The following DPY19L4 variants were observed in gnomAD, a reference collection of about 807,000 sequenced individuals.
DPY19L4 encodes dpy-19 like 4, also known as probable C-mannosyltransferase DPY19L4.
DPY19L4 carries 97 observed loss-of-function variants against 102.8 expected under a neutral mutation model. The observed-to-expected ratio is 0.94, with a 90% CI of 0.80 to 1.12. The LOEUF (loss-of-function observed/expected upper bound fraction) is 1.12, where lower values mean the gene tolerates loss of function less well. Ranked by LOEUF, DPY19L4 falls within the 50% of genes most tolerant of loss-of-function variation. The pLI, the probability that DPY19L4 is intolerant of heterozygous loss-of-function variation, is 0.00. For missense variants in DPY19L4, 815 were observed against 850.4 expected, an observed-to-expected ratio of 0.96 and a Z score of 0.52; for synonymous variants, 252 against 283.1, an observed-to-expected ratio of 0.89 and a Z score of 1.10.
chr8:94,766,393 A>G (rs752613467), intron 10 of DPY19L4, among the ~76,000 whole-genome samples: 1 of 152,212 alleles, frequency 6.6e-6, no homozygotes, highest in African/African-American at 2.4e-5. Context: ...AAGAAAAAAG[A>G]AATGTTCTTA....
At chr8:94,722,936 A>G (rs1810531931) in intron 1 of DPY19L4, among the ~76,000 whole-genome samples, 1 of 152,184 alleles carries the variant, frequency 6.6e-6, no homozygotes, top group Admixed American at 6.5e-5. Context: ...GTTTATATTT[A>G]TGCTTTCTGA....
At position 94,739,775 on chromosome 8, in the gene DPY19L4, G is replaced by C. The variant is rs1811360139; in HGVS notation, c.596G>C (p.Trp199Ser). ...TWLAGMLTVA[W>S]FVINRVDTTR... ...CTAGCAGGAATGCTTACTGTTGCGT[G>C]GTTCGTTATTAACAGGTAAGAAAGC... The change falls in exon 6 of 19, where the codon TGG becomes TCG. Residue 199 changes from tryptophan to serine, a missense_variant. Trp to Ser is a radical substitution (Grantham distance 177). Coordinates refer to ENST00000414645, the MANE Select transcript of DPY19L4 (RefSeq NM_181787.3). 6.2e-7 allele frequency: 1 copy of C among 1,612,150 alleles called. No homozygotes were observed. Among genetic ancestry groups the C allele is most frequent in the Non-Finnish European group, 8.5e-7 (1 of 1,179,970 alleles).
rs1372054539 is a variant in DPY19L4, at chr8:94,740,465, A to AT, written c.611+682dup. ...TGTTTTGGTTTTGTTTTTGTTTTTC[A>AT]TTTTTTTGAGACGGAGTCTTGCCCT... On this transcript the variant is annotated intron_variant, in intron 6 of 18. Transcript: ENST00000414645. Among the ~76,000 whole-genome samples, 4 of 151,520 alleles carry AT rather than the reference A, an allele frequency of 2.6e-5. No homozygotes were observed. In the East Asian group the frequency reaches 5.8e-4, roughly 22 times the overall value.
At chr8:94,784,522 G>A (rs914741119) in intron 17 of DPY19L4, among the ~76,000 whole-genome samples, 26 of 152,042 alleles carry the variant, frequency 1.7e-4, no homozygotes, top group Non-Finnish European at 8.8e-5. Flanking sequence ...TCCACCTCCC[G>A]GGTTCAAGTG....
At chr8:94,745,888 G>A (rs1379272948) in intron 6 of DPY19L4, among the ~76,000 whole-genome samples, 1 of 151,908 alleles carries the variant, frequency 6.6e-6, no homozygotes, top group Non-Finnish European at 1.5e-5. Flanking sequence ...CCGAGTAGCT[G>A]GGACTACAGG....
At chr8:94,783,611 C>T in intron 16 of DPY19L4, 59 bp from the exon 17 acceptor site, 1 of 1,571,204 alleles carries the variant, frequency 6.4e-7, no homozygotes, top group Non-Finnish European at 8.6e-7. Flanking sequence ...TGATATAGAT[C>T]AGTGATCTAA....
intron 6 of DPY19L4, among the ~76,000 whole-genome samples, chr8:94,746,535 A>G (rs987838246): frequency 2.0e-5 from 3 of 152,194 alleles, no homozygotes; most frequent in Non-Finnish European, 4.4e-5. Flanking sequence ...TTCACATATT[A>G]CATATTGACA....
chr8:94,773,612 T>C (rs1249585487), intron 13 of DPY19L4, among the ~76,000 whole-genome samples: 1 of 151,816 alleles, frequency 6.6e-6, no homozygotes, highest in Admixed American at 6.6e-5. Context: ...GTATTTTGAG[T>C]AGAGATGGGG....
intron 4 of DPY19L4, among the ~76,000 whole-genome samples, chr8:94,739,062 G>C (rs188031665): frequency 2.6e-5 from 4 of 152,058 alleles, no homozygotes; most frequent in Admixed American, 2.6e-4. Context: ...CTAAATTGTT[G>C]TTAACCATAT....
rs537923878 is a variant in DPY19L4 at position 94,736,896 on chromosome 8, T to C, written c.253-1473T>C. Among the ~76,000 whole-genome samples the C allele has an allele frequency of 1.2e-4, 18 of 152,340 alleles. No individual in the cohort carries two copies. In the South Asian group the frequency reaches 3.3e-3, roughly 28 times the overall value. ...ACTTCAAATATCATTTGTTATTGCC[T>C]CTCTCACTATTCTTGCTATTCTTAG... is the stretch of plus-strand genomic sequence containing the variant. On this transcript the variant is annotated intron_variant, in intron 3 of 18. Transcript: ENST00000414645.
rs780029827 is a variant in DPY19L4 at position 94,738,357 on chromosome 8, A to G, written c.253-12A>G. On this transcript the variant is annotated splice_polypyrimidine_tract_variant and intron_variant, in intron 3 of 18. Coordinates refer to ENST00000414645, the MANE Select transcript of DPY19L4 (RefSeq NM_181787.3). ...AAATTAAATTTTAAATAATAATTTC[A>G]TTTTCTTTTAGGAGCTTGAACGGGA... 2.8e-6 allele frequency: 4 copies of G among 1,445,590 alleles called. No individual in the cohort carries two copies. Among genetic ancestry groups the G allele is most frequent in the Non-Finnish European group, 2.7e-6 (3 of 1,091,876 alleles). The allele number at this position is 1,445,590 out of a possible 1,614,324, so 89.5% of individuals were successfully genotyped here.
rs543897854 is a variant in DPY19L4 at position 94,740,160 on chromosome 8, G to A, written c.611+370G>A. On this transcript the variant is annotated intron_variant, in intron 6 of 18. Coordinates refer to ENST00000414645, the MANE Select transcript of DPY19L4 (RefSeq NM_181787.3). ...CCTGATGAAAACTGTAGCTCTGGCC[G>A]ATGCCTTGATTTTAGCTTAGGGATA... 3.9e-5 allele frequency among the ~76,000 whole-genome samples: 6 copies of A among 152,320 alleles called. No individual in the cohort carries two copies. In the East Asian group the frequency reaches 9.6e-4, roughly 24 times the overall value.
chr8:94,744,683 A>G, intron 6 of DPY19L4: 2 of 409,828 alleles, frequency 4.9e-6, no homozygotes, highest in South Asian at 3.6e-5. Flanking sequence ...GTTTTAAAGA[A>G]TAAGACTCTC....
At chr8:94,772,933 C>G (rs939284202) in intron 13 of DPY19L4, among the ~76,000 whole-genome samples, 1 of 152,052 alleles carries the variant, frequency 6.6e-6, no homozygotes. Context: ...TATATGAGGC[C>G]AGGCATGGTG....
At chr8:94,758,171 CT>C (rs1207994218) in intron 7 of DPY19L4, among the ~76,000 whole-genome samples, 2 of 152,060 alleles carry the variant, frequency 1.3e-5, no homozygotes. Context: ...ATATTTATCT[CT>C]TTGTTTCTTT....
intron 18 of DPY19L4, among the ~76,000 whole-genome samples, chr8:94,789,173 C>T (rs1813786932): frequency 6.6e-6 from 1 of 152,184 alleles, no homozygotes; most frequent in Non-Finnish European, 1.5e-5. Context: ...CTTCTCCTTT[C>T]ATGTCATGCC....
chr8:94,728,516 T>C (rs982300525), intron 2 of DPY19L4, among the ~76,000 whole-genome samples: 5 of 152,236 alleles, frequency 3.3e-5, no homozygotes, highest in Admixed American at 6.5e-5. Context: ...GATTGCTTGC[T>C]CTGCACTAAA....
Position 94,783,780 on chromosome 8 carries a change from ATCT to A in DPY19L4, c.1830_1832del (p.Leu611del). 6.2e-7 allele frequency: 1 copy of A among 1,614,042 alleles called. No homozygotes were observed. Among genetic ancestry groups the A allele is most frequent in the South Asian group, 1.1e-5 (1 of 91,038 alleles). ...AGTTTGCCTCTTTACAATGATGATGATCTTCTCAAGAGAAATGAAAATGTAAGA... is the reference window on the plus strand; with the variant it reads ...AGTTTGCCTCTTTACAATGATGATGATCTCAAGAGAAATGAAAATGTAAGA... On this transcript the variant is annotated inframe_deletion, in exon 17 of 19. Transcript: ENST00000414645.
At chr8:94,734,371 C>T (rs1811104528) in intron 2 of DPY19L4, among the ~76,000 whole-genome samples, 1 of 152,170 alleles carries the variant, frequency 6.6e-6, no homozygotes, top group African/African-American at 2.4e-5. Context: ...CACAATACCA[C>T]ATGACATTTG....
Sources: allele counts gnomAD v4.1 joint callset (sites outside exome capture counted in the v4.1 genomes callset), GRCh38; gene constraint gnomAD v4.1.1; transcripts MANE v1.5; gene names NCBI Gene and HGNC (gene_info 2026-07-23, HGNC 2026-07-21).